Variants in PCSK2 observed in about 807,000 individuals in gnomAD.
PCSK2 encodes proprotein convertase subtilisin/kexin type 2.
In PCSK2, 14 loss-of-function variants were observed where a neutral mutation model predicts 69.7. The observed-to-expected ratio is 0.20, with a 90% confidence interval of 0.13 to 0.31. The LOEUF is 0.31. PCSK2 is among the 10% of genes least tolerant of loss of function. The probability of loss-of-function intolerance (pLI) is 1.00; values close to 1 mark genes in which losing one functional copy is unlikely to be tolerated. For missense variants in PCSK2, 544 were observed against 842.5 expected (o/e 0.65, Z 4.39); for synonymous variants, 307 against 320.7 (o/e 0.96, Z 0.46).
chr20:17,376,354 G>C (rs2030926025), intron 5 of PCSK2, among the ~76,000 whole-genome samples: 1 of 152,230 alleles, frequency 6.6e-6, no homozygotes. Context: ...AACACCTGCT[G>C]TTATATGCTG....
intron 2 of PCSK2, among the ~76,000 whole-genome samples, chr20:17,321,434 G>A (rs1167599863): frequency 1.3e-5 from 2 of 152,226 alleles, no homozygotes; most frequent in Admixed American, 1.3e-4. Flanking sequence ...ATCAATTTAT[G>A]TTGAAGTTTT....
intron 4 of PCSK2, among the ~76,000 whole-genome samples, 195 bp downstream of exon 4, chr20:17,360,835 A>G (rs2030367413): frequency 6.6e-6 from 1 of 152,166 alleles, no homozygotes. Context: ...GTTGCACTTA[A>G]CAAATATTTT....
chr20:17,312,729 T>G (rs555349845), intron 2 of PCSK2, among the ~76,000 whole-genome samples: 1 of 152,200 alleles, frequency 6.6e-6, no homozygotes, highest in African/African-American at 2.4e-5. Flanking sequence ...GGTGCTGTAG[T>G]GGTGGAGAAG....
intron 11 of PCSK2, among the ~76,000 whole-genome samples, chr20:17,472,460 C>A (rs1453728998): frequency 6.6e-6 from 1 of 152,214 alleles, no homozygotes; most frequent in Admixed American, 6.5e-5. Context: ...CCACCTGCTG[C>A]GTGTCGTCAT....
chr20:17,480,118 C>G lies in PCSK2; in HGVS notation c.1431-1466C>G, dbSNP rs368675070. 4.0e-5 allele frequency among the ~76,000 whole-genome samples: 6 copies of G among 151,814 alleles called. No homozygotes were observed. The East Asian group carries it at 1.2e-3, about 29-fold the overall frequency. ...GCTCCAACTCTCGCCAAAGACTCCC[C>G]CAAAGTCTCCTGATCATTCATTGGA... On this transcript the variant is annotated intron_variant, in intron 11 of 11. Transcript: ENST00000262545.
intron 5 of PCSK2, 49 bp from the exon 6 acceptor site, chr20:17,409,214 A>G: frequency 7.1e-7 from 1 of 1,410,104 alleles, no homozygotes; most frequent in Non-Finnish European, 1.0e-6. Context: ...CTTTCCCTTT[A>G]CTGCGCCTCT....
chr20:17,475,043 T>C (rs750884880), intron 11 of PCSK2, among the ~76,000 whole-genome samples: 2 of 151,708 alleles, frequency 1.3e-5, no homozygotes, highest in African/African-American at 4.8e-5. Context: ...ATGTGCTTTA[T>C]TGAGGGAGGG....
At chr20:17,329,660 G>A (rs1219323440) in intron 2 of PCSK2, among the ~76,000 whole-genome samples, 2 of 152,180 alleles carry the variant, frequency 1.3e-5, no homozygotes, top group African/African-American at 4.8e-5. Flanking sequence ...AATTACATAT[G>A]CAGGATTGTT....
intron 2 of PCSK2, among the ~76,000 whole-genome samples, chr20:17,267,332 G>T (rs1192911007): frequency 6.6e-6 from 1 of 152,214 alleles, no homozygotes; most frequent in Non-Finnish European, 1.5e-5. Flanking sequence ...CATGAGTGAT[G>T]CAAGTTGAGA....
At position 17,389,949 on chromosome 20, in the gene PCSK2, A is replaced by C. The variant is rs1600541381; in HGVS notation, c.544-19314A>C. 2.6e-5 allele frequency among the ~76,000 whole-genome samples: 4 copies of C among 152,352 alleles called. No homozygotes were observed. In the South Asian group the frequency reaches 6.2e-4, roughly 24 times the overall value. ...AAGAGAAACAAAAAGGTATGTTTAT[A>C]AAATGGCATATACATAGCAGCTTTA... On this transcript the variant is annotated intron_variant, in intron 5 of 11. Transcript: ENST00000262545.
At chr20:17,235,447 C>T (rs977247388) in intron 1 of PCSK2, among the ~76,000 whole-genome samples, 2 of 152,096 alleles carry the variant, frequency 1.3e-5, no homozygotes, top group African/African-American at 4.8e-5. Context: ...AGATTCATTT[C>T]ATGCTCATTT....
intron 1 of PCSK2, among the ~76,000 whole-genome samples, chr20:17,233,640 C>T (rs1986227049): frequency 6.6e-6 from 1 of 152,106 alleles, no homozygotes; most frequent in African/African-American, 2.4e-5. Context: ...TGAGAAAGCC[C>T]ATTCAGGCCA....
At chr20:17,251,302 A>G (rs1466767129) in intron 1 of PCSK2, among the ~76,000 whole-genome samples, 2 of 152,172 alleles carry the variant, frequency 1.3e-5, no homozygotes, top group East Asian at 1.9e-4. Context: ...AGCAGGGTTA[A>G]GTAGAGAAAA....
chr20:17,282,333 G>A (rs1427714565), intron 2 of PCSK2, among the ~76,000 whole-genome samples: 2 of 152,004 alleles, frequency 1.3e-5, no homozygotes, highest in Non-Finnish European at 2.9e-5. Flanking sequence ...AATATCAAAG[G>A]GTTCAAAGAA....
chr20:17,390,518 C>A (rs1478853292), intron 5 of PCSK2, among the ~76,000 whole-genome samples: 1 of 152,146 alleles, frequency 6.6e-6, no homozygotes, highest in Non-Finnish European at 1.5e-5. Flanking sequence ...GAGAAGCCTG[C>A]CCATGTCTTG....
At chr20:17,324,784 G>A (rs1989989965) in intron 2 of PCSK2, among the ~76,000 whole-genome samples, 1 of 152,174 alleles carries the variant, frequency 6.6e-6, no homozygotes, top group Admixed American at 6.5e-5. Flanking sequence ...CACAGTGCAT[G>A]GAGAAAGGTC....
chr20:17,481,102 C>A (rs577474914), intron 11 of PCSK2, among the ~76,000 whole-genome samples: 1 of 152,108 alleles, frequency 6.6e-6, no homozygotes, highest in Non-Finnish European at 1.5e-5. Flanking sequence ...TGCTCACAGC[C>A]GGGCGTGGTG....
chr20:17,460,131 G>A (rs2032988807), intron 10 of PCSK2, among the ~76,000 whole-genome samples: 1 of 152,120 alleles, frequency 6.6e-6, no homozygotes, highest in Admixed American at 6.6e-5. Context: ...CCACTTTCAT[G>A]TTCTCTAGAC....
chr20:17,327,871 T>A (rs1568605000), intron 2 of PCSK2, among the ~76,000 whole-genome samples: 1 of 152,358 alleles, frequency 6.6e-6, no homozygotes, highest in East Asian at 1.9e-4. Flanking sequence ...CATGTTTTTC[T>A]AATACAATTC....
Sources: allele counts gnomAD v4.1 joint callset (sites outside exome capture counted in the v4.1 genomes callset), GRCh38; gene constraint gnomAD v4.1.1; transcripts MANE v1.5; gene names NCBI Gene and HGNC (gene_info 2026-07-23, HGNC 2026-07-21).